ROBO2: variants seen among roughly 807,000 people sequenced by gnomAD.
ROBO2 encodes the protein roundabout homolog 2.
A neutral mutation model predicts 160.8 loss-of-function variants in ROBO2; 53 were observed. The observed-to-expected ratio is 0.33, with a 90% CI of 0.26 to 0.41. ROBO2 has a LOEUF of 0.41. Ranked by LOEUF, ROBO2 falls within the 10% of genes least tolerant of loss-of-function variation. ROBO2 has a pLI of 1.00. For synonymous variants in ROBO2, 664 were observed against 611.7 expected (o/e 1.09, Z -1.26); for missense variants, 1,577 against 1,722.4 (o/e 0.92, Z 1.49).
intron 1 of ROBO2, among the ~76,000 whole-genome samples, chr3:75,924,689 T>TTC (rs1392862526): frequency 5.2e-5 from 6 of 115,542 alleles, no homozygotes; most frequent in Admixed American, 1.7e-4. Context: ...TTCTTTTTTT[T>TTC]TTTTTTTTTT....
intron 2 of ROBO2, among the ~76,000 whole-genome samples, chr3:76,368,697 C>T (rs2075957329): frequency 6.6e-6 from 1 of 151,944 alleles, no homozygotes; most frequent in African/African-American, 2.4e-5. Flanking sequence ...CACGATTTCT[C>T]TTTTGCCATT....
intron 2 of ROBO2, among the ~76,000 whole-genome samples, chr3:76,826,744 G>C (rs2066623426): frequency 6.6e-6 from 1 of 152,070 alleles, no homozygotes; most frequent in Admixed American, 6.6e-5. Context: ...GAAAACTATT[G>C]ATTTTGTGCT....
At chr3:77,056,429 T>C (rs1427871112) in intron 1 of ROBO2, among the ~76,000 whole-genome samples, 1 of 152,208 alleles carries the variant, frequency 6.6e-6, no homozygotes, top group Non-Finnish European at 1.5e-5. Flanking sequence ...AGATCTTGCT[T>C]ATTATTAATA....
rs1219310843 is a variant in ROBO2 at position 77,536,287 on chromosome 3, T to C, written c.935-10051T>C. ...GTCTGCAAAATTCCTGTCTCTAACATACTGCCTTTGTTTTCCCCTCTGGGA... is the reference window on the plus strand; with the variant it reads ...GTCTGCAAAATTCCTGTCTCTAACACACTGCCTTTGTTTTCCCCTCTGGGA... On this transcript the variant is annotated intron_variant, in intron 6 of 25. Transcript: ENST00000461745. Among the ~76,000 whole-genome samples the C allele has an allele frequency of 2.0e-5, 3 of 152,184 alleles. No individual in the cohort carries two copies. The East Asian group carries it at 5.8e-4, about 29-fold the overall frequency.
chr3:76,043,210 G>A (rs1270505645), intron 2 of ROBO2, among the ~76,000 whole-genome samples: 2 of 150,640 alleles, frequency 1.3e-5, no homozygotes, highest in African/African-American at 5.0e-5. Flanking sequence ...GTCCATTAAC[G>A]AACATCCCTT....
At chr3:76,406,572 T>C (rs1270987304) in intron 2 of ROBO2, among the ~76,000 whole-genome samples, 1 of 151,794 alleles carries the variant, frequency 6.6e-6, no homozygotes, top group East Asian at 1.9e-4. Flanking sequence ...AGTTATCTCA[T>C]TTTTTACAAT....
intron 5 of ROBO2, among the ~76,000 whole-genome samples, chr3:77,505,762 A>G (rs1330039002): frequency 1.3e-5 from 2 of 152,154 alleles, no homozygotes; most frequent in Admixed American, 1.3e-4. Flanking sequence ...TGAAACAGGA[A>G]CTCTTATCAT....
chr3:77,226,001 A>G (rs2086455407), intron 2 of ROBO2, among the ~76,000 whole-genome samples: 1 of 152,048 alleles, frequency 6.6e-6, no homozygotes, highest in South Asian at 2.1e-4. Flanking sequence ...ATATGATATT[A>G]CACATCGGTA....
intron 2 of ROBO2, among the ~76,000 whole-genome samples, chr3:76,273,502 A>C (rs926710098): frequency 1.3e-5 from 2 of 152,092 alleles, no homozygotes. Flanking sequence ...ACAGTTCTTC[A>C]TGGCTGGGGA....
intron 2 of ROBO2, among the ~76,000 whole-genome samples, chr3:77,474,234 C>T (rs56267699): frequency 0.17 from 25,178 of 152,134 alleles, 2,207 homozygotes; most frequent in South Asian, 0.24. Flanking sequence ...TTCCCCATCT[C>T]CCTTTCCCCT....
At chr3:76,771,823 T>G in intron 2 of ROBO2, among the ~76,000 whole-genome samples, 1 of 151,312 alleles carries the variant, frequency 6.6e-6, no homozygotes, top group African/African-American at 2.4e-5. Flanking sequence ...TTTTGAAACT[T>G]AAGGAATTTA....
chr3:76,071,798 C>A (rs1370026198), intron 2 of ROBO2, among the ~76,000 whole-genome samples: 2 of 151,640 alleles, frequency 1.3e-5, no homozygotes, highest in South Asian at 2.1e-4. Flanking sequence ...TGATTATAAT[C>A]TTATTATTAT....
chr3:77,329,478 C>A (rs2065775419), intron 2 of ROBO2, among the ~76,000 whole-genome samples: 1 of 152,188 alleles, frequency 6.6e-6, no homozygotes. Context: ...ATAACCTTCA[C>A]ATTAAGAGTA....
chr3:76,015,478 A>T (rs73841070), intron 2 of ROBO2, among the ~76,000 whole-genome samples: 1,990 of 152,256 alleles, frequency 0.013, 31 homozygotes, highest in African/African-American at 0.045. Context: ...AGAATTTGTG[A>T]CTTTTAAACT....
At position 76,883,416 on chromosome 3, in the gene ROBO2, A is replaced by T. The variant is rs142503469; in HGVS notation, c.110-214598A>T. 3.0e-4 allele frequency among the ~76,000 whole-genome samples: 45 copies of T among 152,296 alleles called. No homozygotes were observed. The East Asian group carries it at 7.1e-3, about 24-fold the overall frequency. On this transcript the variant is annotated intron_variant, in intron 2 of 26. Transcript: ENST00000487694. ...GATCCTAAACTTTGTAGTCATTCGC[A>T]AAGCCCTATAATATGCTATAAAAAC...
intron 2 of ROBO2, among the ~76,000 whole-genome samples, chr3:76,123,047 T>C (rs2070819186): frequency 6.6e-6 from 1 of 152,076 alleles, no homozygotes; most frequent in Non-Finnish European, 1.5e-5. Context: ...GTGCCCGACC[T>C]GTTTTCATAT....
intron 2 of ROBO2, among the ~76,000 whole-genome samples, chr3:76,843,789 T>A (rs1017262227): frequency 6.6e-6 from 1 of 151,964 alleles, no homozygotes; most frequent in Non-Finnish European, 1.5e-5. Flanking sequence ...TAATGTTTTA[T>A]AAGTCCTGTT....
At chr3:77,598,438 T>TATATATATATATATTTATTTATATAGA (rs1559695535) in intron 19 of ROBO2, among the ~76,000 whole-genome samples, 1 of 147,408 alleles carries the variant, frequency 6.8e-6, no homozygotes, top group African/African-American at 2.5e-5. Flanking sequence ...TAGATGAATA[T>TATATATATATATATTTATTTATATAGA]ATATATATAT....
At chr3:77,060,218 A>T (rs1463625213) in intron 1 of ROBO2, among the ~76,000 whole-genome samples, 1 of 152,188 alleles carries the variant, frequency 6.6e-6, no homozygotes, top group Non-Finnish European at 1.5e-5. Context: ...AGTCATGCAC[A>T]GATCAGGAAT....
Sources: allele counts gnomAD v4.1 joint callset (sites outside exome capture counted in the v4.1 genomes callset), GRCh38; gene constraint gnomAD v4.1.1; transcripts MANE v1.5; gene names NCBI Gene and HGNC (gene_info 2026-07-23, HGNC 2026-07-21).